RHOT1: variants seen among roughly 807,000 people sequenced by gnomAD.
The protein encoded by RHOT1 is ras homolog family member T1.
A neutral mutation model predicts 95.3 loss-of-function variants in RHOT1; 27 were observed. That is an observed-to-expected ratio of 0.28 (90% CI 0.21 to 0.39). The LOEUF (loss-of-function observed/expected upper bound fraction) is 0.39. Among genes scored for constraint, RHOT1 ranks in the 10% least tolerant of loss-of-function variants. The probability of loss-of-function intolerance (pLI) is 1.00; values close to 1 mark genes in which losing one functional copy is unlikely to be tolerated. For synonymous variants in RHOT1, 227 were observed against 263.5 expected (o/e 0.86, Z 1.34); for missense variants, 578 against 786.7 (o/e 0.73, Z 3.17).
At chr17:32,203,421 G>A (rs1411430962) in intron 15 of RHOT1, among the ~76,000 whole-genome samples, 1 of 151,764 alleles carries the variant, frequency 6.6e-6, no homozygotes, top group South Asian at 2.1e-4. Context: ...GACCACAGGC[G>A]TGAACCACCA....
intron 1 of RHOT1, chr17:32,159,495 G>A (rs1201808259): frequency 6.6e-6 from 1 of 152,466 alleles, no homozygotes; most frequent in Admixed American, 6.5e-5. Flanking sequence ...GCCCAGCCGT[G>A]GCTGTGGACC....
chr17:32,188,055 A>G (rs909069860), intron 8 of RHOT1, among the ~76,000 whole-genome samples: 4 of 152,226 alleles, frequency 2.6e-5, no homozygotes, highest in African/African-American at 9.6e-5. Flanking sequence ...AATAGAGCTT[A>G]TATGTGCTAC....
chr17:32,152,943 AG>A (rs1440865414), intron 1 of RHOT1, among the ~76,000 whole-genome samples: 2 of 152,004 alleles, frequency 1.3e-5, no homozygotes, highest in African/African-American at 4.8e-5. Flanking sequence ...ACCTGCATAT[AG>A]GCATGCATCG....
intron 1 of RHOT1, among the ~76,000 whole-genome samples, chr17:32,155,596 G>A (rs2032885756): frequency 1.3e-5 from 2 of 150,822 alleles, no homozygotes. Flanking sequence ...AAGCTGGAGT[G>A]CAGTGGCTCA....
chr17:32,204,311 G>A (rs1447629078), intron 16 of RHOT1, among the ~76,000 whole-genome samples: 4 of 152,058 alleles, frequency 2.6e-5, no homozygotes, highest in Non-Finnish European at 5.9e-5. Context: ...AGCACTTTGG[G>A]AGGCCAAGGC....
chr17:32,177,348 C>T (rs1318360639), intron 6 of RHOT1, among the ~76,000 whole-genome samples: 1 of 152,224 alleles, frequency 6.6e-6, no homozygotes, highest in African/African-American at 2.4e-5. Context: ...GCATTTCCAT[C>T]ATCATAGAAT....
In RHOT1 at chr17:32,203,011, C is replaced by A. The variant is rs1168688304; in HGVS notation, c.1332+111C>A. 5 of 1,020,054 alleles carry A rather than the reference C, an allele frequency of 4.9e-6. No individual in the cohort carries two copies. The African/African-American group carries it at 6.5e-5, about 13-fold the overall frequency. The allele number at this position is 1,020,054 out of a possible 1,614,324, so 63.2% of individuals were successfully genotyped here. ...TTAGATAATTATTAGAACTCAATGG[C>A]CTGTATTAGTCAAGTACAGTCTAAA... On this transcript the variant is annotated intron_variant, in intron 15 of 19. Coordinates refer to ENST00000545287, the MANE Select transcript of RHOT1 (RefSeq NM_001033566.3).
intron 1 of RHOT1, among the ~76,000 whole-genome samples, chr17:32,146,045 T>C (rs1233100908): frequency 6.6e-6 from 1 of 152,176 alleles, no homozygotes; most frequent in African/African-American, 2.4e-5. Context: ...TCCAGTGATT[T>C]CTACTTTCAC....
rs893173993 is a variant in RHOT1, at chr17:32,142,643, G to A, written c.-50G>A. ...GTGGGGTGGGTGCTCCTGGTGAGAGGAGTCCACTCCGTGCGTGCGGGCGGA... is the reference window on the plus strand; with the variant it reads ...GTGGGGTGGGTGCTCCTGGTGAGAGAAGTCCACTCCGTGCGTGCGGGCGGA... On this transcript the variant is annotated 5_prime_UTR_variant, in exon 1 of 20. Transcript: ENST00000545287. 5 of 1,489,546 alleles carry A rather than the reference G, an allele frequency of 3.4e-6. No individual in the cohort carries two copies. The highest frequency in any genetic ancestry group is 2.3e-5 in the Admixed American group (1 of 42,760). 92.3% of individuals were successfully genotyped at this position (1,489,546 alleles called of 1,614,324 possible). A position where few individuals can be genotyped will look rare whatever the true frequency, so the allele number is the denominator to read the frequency against.
intron 1 of RHOT1, among the ~76,000 whole-genome samples, chr17:32,153,082 G>C (rs1302592426): frequency 6.6e-6 from 1 of 152,214 alleles, no homozygotes; most frequent in Non-Finnish European, 1.5e-5. Flanking sequence ...GATTACAGGC[G>C]TGAGCCGCCT....
intron 11 of RHOT1, among the ~76,000 whole-genome samples, chr17:32,196,358 A>AT (rs1183378342): frequency 6.6e-6 from 1 of 151,960 alleles, no homozygotes; most frequent in African/African-American, 2.4e-5. Context: ...TTCCCAGATA[A>AT]TTTTTAAATT....
At chr17:32,193,877 A>C in intron 10 of RHOT1, 110 bp from the exon 11 acceptor site, 1 of 1,343,850 alleles carries the variant, frequency 7.4e-7, no homozygotes, top group Non-Finnish European at 1.0e-6. Flanking sequence ...TGAGCTTTAC[A>C]ATGCAAAGCT....
chr17:32,183,327 T>C (rs2035785503), intron 8 of RHOT1, 55 bp downstream of exon 8: 1 of 916,978 alleles, frequency 1.1e-6, no homozygotes, highest in Non-Finnish European at 1.5e-6. Context: ...TCTAGTATGG[T>C]AGTGATTTTT....
At chr17:32,151,290 TAGTCCC>T (rs1457248697) in intron 1 of RHOT1, 2 of 659,912 alleles carry the variant, frequency 3.0e-6, no homozygotes, top group African/African-American at 3.6e-5. Context: ...CATATTGCTG[TAGTCCC>T]AGATACTTGG....
intron 1 of RHOT1, among the ~76,000 whole-genome samples, chr17:32,166,921 C>T (rs2034137194): frequency 6.6e-6 from 1 of 152,180 alleles, no homozygotes; most frequent in Non-Finnish European, 1.5e-5. Context: ...TTCTTGATGG[C>T]ATCTAGAATG....
At chr17:32,167,112 G>A (rs887539208) in intron 1 of RHOT1, among the ~76,000 whole-genome samples, 5 of 152,112 alleles carry the variant, frequency 3.3e-5, no homozygotes, top group African/African-American at 9.7e-5. Context: ...TAGCAGGCAC[G>A]AAAATAATCT....
chr17:32,222,930 T>TG, intron 19 of RHOT1: 1 of 970,640 alleles, frequency 1.0e-6, no homozygotes, highest in Non-Finnish European at 1.2e-6. Flanking sequence ...TTGGCCTCGT[T>TG]GGAGTTTTTC....
chr17:32,189,282 G>C (rs2036285806), intron 8 of RHOT1, among the ~76,000 whole-genome samples: 1 of 152,102 alleles, frequency 6.6e-6, no homozygotes, highest in Non-Finnish European at 1.5e-5. Flanking sequence ...CTGGGCGACA[G>C]AGCGAGGAGA....
intron 1 of RHOT1, among the ~76,000 whole-genome samples, chr17:32,167,415 C>T (rs2034187848): frequency 6.6e-6 from 1 of 152,180 alleles, no homozygotes; most frequent in African/African-American, 2.4e-5. Flanking sequence ...CAAGCTCCGC[C>T]TCCCGGGTTC....
Sources: gnomAD v4.1 joint callset for allele counts (sites outside exome capture counted in the v4.1 genomes callset) on GRCh38, gnomAD v4.1.1 for gene constraint, MANE v1.5 for transcripts, NCBI Gene and HGNC (gene_info 2026-07-23, HGNC 2026-07-21) for gene names.